ZNF76: variants seen among roughly 807,000 people sequenced by gnomAD.
The protein encoded by ZNF76 is zinc finger protein 523.
Under a neutral mutation model 66.9 loss-of-function variants are expected in ZNF76, and 66 were observed. The ratio of observed to expected loss-of-function variants is 0.99; its 90% CI spans 0.81 to 1.21. The LOEUF is 1.21. Ranked by LOEUF, ZNF76 falls within the 50% of genes most tolerant of loss-of-function variation. ZNF76 has a pLI of 0.00. For missense variants in ZNF76, 729 were observed against 760.3 expected (o/e 0.96, Z 0.48); for synonymous variants, 275 against 296.1 (o/e 0.93, Z 0.73).
chr6:35,261,825 A>T (rs1193254464), intron 1 of ZNF76, among the ~76,000 whole-genome samples: 1 of 151,880 alleles, frequency 6.6e-6, no homozygotes, highest in Non-Finnish European at 1.5e-5. Context: ...CTGACCCCCA[A>T]GGTTTCTATT....
chr6:35,275,479 ACTG>A (rs1787754700), intron 1 of ZNF76, among the ~76,000 whole-genome samples: 1 of 152,084 alleles, frequency 6.6e-6, no homozygotes, highest in African/African-American at 2.4e-5. Context: ...TGCCCATGTC[ACTG>A]TTGTTAGTTC....
intron 2 of ZNF76, among the ~76,000 whole-genome samples, chr6:35,285,304 A>G (rs1255081180): frequency 1.3e-5 from 2 of 152,210 alleles, no homozygotes; most frequent in Non-Finnish European, 2.9e-5. Context: ...GTGGAATAAG[A>G]CCTTCATGGA....
intron 1 of ZNF76, among the ~76,000 whole-genome samples, chr6:35,273,204 G>A (rs1173935650): frequency 1.3e-5 from 2 of 151,244 alleles, no homozygotes; most frequent in Non-Finnish European, 2.9e-5. Flanking sequence ...GTCTCACTCT[G>A]TTGCCCAGTG....
At chr6:35,267,723 G>T (rs529228162) in intron 1 of ZNF76, among the ~76,000 whole-genome samples, 21 of 152,198 alleles carry the variant, frequency 1.4e-4, no homozygotes, top group Non-Finnish European at 2.9e-4. Context: ...GAAACATGGG[G>T]CTGGAGTGTG....
At chr6:35,291,851 C>A in intron 9 of ZNF76, 114 bp downstream of exon 9, 1 of 1,319,856 alleles carries the variant, frequency 7.6e-7, no homozygotes, top group Non-Finnish European at 1.0e-6. Context: ...CTGTGCCAGC[C>A]ATTCCAGGCT....
chr6:35,292,846 G>C lies in ZNF76; in HGVS notation c.1166-35G>C, dbSNP rs760935688. On this transcript the variant is annotated intron_variant, in intron 10 of 13. Coordinates refer to ENST00000373953, the MANE Select transcript of ZNF76 (RefSeq NM_003427.5). The surrounding 1 kb of genome is among the most constrained non-coding windows in gnomAD (Gnocchi z 4.7). ...CAAGCCAGGCCTCCCCATGGCATCT[G>C]GTAGCAGATGTCAGCCTTGGCTCTC... 23 of 1,613,772 alleles carry C rather than the reference G, an allele frequency of 1.4e-5. No homozygotes were observed. The Admixed American group carries it at 3.7e-4, about 26-fold the overall frequency.
At chr6:35,284,860 A>C (rs1271372035) in intron 2 of ZNF76, among the ~76,000 whole-genome samples, 1 of 151,928 alleles carries the variant, frequency 6.6e-6, no homozygotes, top group Non-Finnish European at 1.5e-5. Context: ...ACAGGCATGC[A>C]CTACTACATC....
At position 35,287,730 on chromosome 6, in the gene ZNF76, C is replaced by A; in HGVS notation, c.317C>A (p.Ser106Ter). The A allele has an allele frequency of 6.2e-7, 1 of 1,614,170 alleles. No individual in the cohort carries two copies. The highest frequency in any genetic ancestry group is 8.5e-7 in the Non-Finnish European group (1 of 1,180,030). ...AYIHHPVAVP[S>*]ESTILAVQTE... is the part of the protein sequence containing the mutation. ...ATTCACCACCCTGTGGCTGTGCCAT[C>A]GGAGAGCACCATCCTGGCCGTACAG... The change falls in exon 5 of 14, where the codon TCG (serine) becomes TAG (stop). Residue 106 changes from serine to a stop codon, truncating the protein, a stop_gained. Transcript: ENST00000373953. LOFTEE classifies it high-confidence loss of function. This position sits in a 1 kb window ranked among gnomAD's most constrained non-coding sequence, Gnocchi z 4.0.
At chr6:35,278,556 A>T (rs1788274216) in intron 1 of ZNF76, among the ~76,000 whole-genome samples, 1 of 152,246 alleles carries the variant, frequency 6.6e-6, no homozygotes, top group African/African-American at 2.4e-5. Flanking sequence ...CTGTCTCTCT[A>T]GGTCCCCTGA....
At chr6:35,275,090 G>GGTTGCAGTGAGCCGAGATTGTGTC (rs1393884987) in intron 1 of ZNF76, among the ~76,000 whole-genome samples, 12 of 152,140 alleles carry the variant, frequency 7.9e-5, no homozygotes, top group African/African-American at 2.9e-4. Context: ...AGGAGGCGGA[G>GGTTGCAGTGAGCCGAGATTGTGTC]GTTGCAGTGA....
chr6:35,286,437 A>AG, intron 4 of ZNF76, 38 bp downstream of exon 4: 1 of 1,591,676 alleles, frequency 6.3e-7, no homozygotes, highest in Non-Finnish European at 8.6e-7. Context: ...GAAGGATGGG[A>AG]GGCAGGACTG....
chr6:35,294,956 C>T (rs1709117129), intron 13 of ZNF76, 188 bp from the exon 14 acceptor site: 2 of 598,140 alleles, frequency 3.3e-6, no homozygotes, highest in Non-Finnish European at 5.9e-6. Context: ...GCCCCCTGGC[C>T]ATGCCTAGCC....
intron 1 of ZNF76, chr6:35,279,791 CA>C (rs1367888998): frequency 1.3e-5 from 2 of 153,230 alleles, no homozygotes; most frequent in Non-Finnish European, 1.5e-5. Flanking sequence ...TTACAGCTAG[CA>C]AAAAATGGCC....
intron 1 of ZNF76, chr6:35,270,429 A>C (rs572870906): frequency 2.0e-5 from 3 of 152,180 alleles, no homozygotes; most frequent in African/African-American, 7.2e-5. Context: ...CACTGCACCC[A>C]GCCATTTGTT....
At chr6:35,290,856 T>C (rs931857707) in intron 7 of ZNF76, 140 bp downstream of exon 7, 1 of 800,724 alleles carries the variant, frequency 1.2e-6, no homozygotes, top group Non-Finnish European at 2.0e-6. Context: ...GGGTGCTCTC[T>C]CTGGAGGAAA....
rs939740487 is a variant in ZNF76, at chr6:35,290,724, G to T, written c.625+8G>T. The T allele has an allele frequency of 1.2e-6, 2 of 1,613,998 alleles. No individual in the cohort carries two copies. Among genetic ancestry groups the T allele is most frequent in the East Asian group, 2.2e-5 (1 of 44,898 alleles). On this transcript the variant is annotated splice_region_variant and intron_variant, in intron 7 of 13. Transcript: ENST00000373953. Reference sequence around the variant, plus strand: ...GAAAGGCCTTTGCCACAGGTAACCTGCCTGGTGGGCTGCTTCCAGTTGAGG... The same window carrying T: ...GAAAGGCCTTTGCCACAGGTAACCTTCCTGGTGGGCTGCTTCCAGTTGAGG...
chr6:35,281,304 C>G, intron 2 of ZNF76, 80 bp downstream of exon 2: 1 of 1,373,592 alleles, frequency 7.3e-7, no homozygotes, highest in Non-Finnish European at 1.0e-6. Flanking sequence ...AGAGTCCCAC[C>G]ATCACCTTGC....
At chr6:35,282,833 G>C (rs1788971612) in intron 2 of ZNF76, among the ~76,000 whole-genome samples, 3 of 152,190 alleles carry the variant, frequency 2.0e-5, no homozygotes, top group Admixed American at 2.0e-4. Context: ...CTTTCCATAT[G>C]ACAGTGTGTG....
chr6:35,273,518 C>T (rs1787447172), intron 1 of ZNF76, among the ~76,000 whole-genome samples: 1 of 151,774 alleles, frequency 6.6e-6, no homozygotes, highest in African/African-American at 2.4e-5. Context: ...CACAATGGCT[C>T]ACACCTATAA....
Sources: allele counts gnomAD v4.1 joint callset (sites outside exome capture counted in the v4.1 genomes callset), GRCh38; gene constraint gnomAD v4.1.1; non-coding constraint Gnocchi (gnomAD v3.1); transcripts MANE v1.5; gene names NCBI Gene and HGNC (gene_info 2026-07-23, HGNC 2026-07-21).